The following CPS1 variants were observed in gnomAD, a reference collection of about 807,000 sequenced individuals.
CPS1 encodes the protein carbamoyl-phosphate synthase 1, also known as carbamoyl-phosphate synthase [ammonia], mitochondrial.
In CPS1, 109 loss-of-function variants were observed where a neutral mutation model predicts 174.6. That is an observed-to-expected ratio of 0.62 (90% CI 0.53 to 0.73). The LOEUF is 0.73. Among genes scored for constraint, CPS1 ranks in the 30% least tolerant of loss-of-function variants. The pLI is 0.00. For synonymous variants in CPS1, 637 were observed against 632.0 expected (o/e 1.01, Z -0.12); for missense variants, 1,689 against 1,821.9 (o/e 0.93, Z 1.33).
intron 1 of CPS1, among the ~76,000 whole-genome samples, chr2:210,539,408 T>C (rs1316040473): frequency 6.6e-6 from 1 of 152,192 alleles, no homozygotes; most frequent in Non-Finnish European, 1.5e-5. Flanking sequence ...TAGTTTCAAA[T>C]GTACAAAAAA....
intron 20 of CPS1, among the ~76,000 whole-genome samples, chr2:210,613,710 A>G (rs977712831): frequency 1.3e-5 from 2 of 151,948 alleles, no homozygotes; most frequent in Non-Finnish European, 2.9e-5. Context: ...CTAAGCTGTA[A>G]AACTCAAGCA....
chr2:210,596,141 G>T (rs999266025), intron 13 of CPS1, among the ~76,000 whole-genome samples: 2 of 151,906 alleles, frequency 1.3e-5, no homozygotes, highest in African/African-American at 2.4e-5. Context: ...TAGAAAAAAA[G>T]ATTTGATACA....
At chr2:210,543,435 C>T (rs1285035524) in intron 1 of CPS1, among the ~76,000 whole-genome samples, 2 of 151,906 alleles carry the variant, frequency 1.3e-5, no homozygotes, top group Non-Finnish European at 2.9e-5. Flanking sequence ...TCATCAATTT[C>T]CAGCTCAAAG....
Position 210,648,053 on chromosome 2 carries a change from C to T in CPS1, c.3332C>T (p.Thr1111Ile). ...VAQAPWKAVN[T>I]LNEALEFAKS... ...CAGGCACCTTGGAAAGCTGTTAATA[C>T]TTTGGTAAGGAGAGAAACAAGTATC... is the stretch of plus-strand genomic sequence containing the variant. The change falls in exon 26 of 38, where the codon ACT becomes ATT. Residue 1111 changes from threonine (T) to isoleucine (I), a missense_variant. By Grantham distance (89) the Thr-to-Ile change is moderately conservative. Transcript: ENST00000233072. The T allele has an allele frequency of 6.2e-7, 1 of 1,613,824 alleles. No homozygotes were observed.
intron 21 of CPS1, among the ~76,000 whole-genome samples, chr2:210,626,306 T>C (rs1035916615): frequency 6.6e-6 from 1 of 152,100 alleles, no homozygotes; most frequent in Non-Finnish European, 1.5e-5. Context: ...TAAACTTTCT[T>C]GGTAGAAAGT....
chr2:210,526,823 T>A (rs1271157871), intron 1 of CPS1, among the ~76,000 whole-genome samples: 2 of 151,980 alleles, frequency 1.3e-5, no homozygotes, highest in Non-Finnish European at 2.9e-5. Flanking sequence ...CATTACTCAA[T>A]TGCAAGCATA....
At chr2:210,543,738 C>G (rs1413326807) in intron 1 of CPS1, among the ~76,000 whole-genome samples, 1 of 152,044 alleles carries the variant, frequency 6.6e-6, no homozygotes, top group Non-Finnish European at 1.5e-5. Flanking sequence ...CATGAGGTAT[C>G]ATGAGGTTTG....
At chr2:210,607,008 T>C in intron 18 of CPS1, 67 bp downstream of exon 18, 1 of 1,430,722 alleles carries the variant, frequency 7.0e-7, no homozygotes, top group Non-Finnish European at 9.8e-7. Flanking sequence ...AATTGACAGA[T>C]AGTGGAAGAC....
intron 13 of CPS1, among the ~76,000 whole-genome samples, chr2:210,598,687 A>G (rs1242649745): frequency 3.9e-5 from 6 of 151,974 alleles, no homozygotes; most frequent in African/African-American, 1.4e-4. Flanking sequence ...ATATGCACCC[A>G]ACACAGGAGC....
intron 2 of CPS1, 108 bp from the exon 3 acceptor site, chr2:210,576,238 T>C (rs1316071811): frequency 1.7e-6 from 2 of 1,209,218 alleles, no homozygotes; most frequent in Admixed American, 3.4e-5. Context: ...ACATTCTTGT[T>C]GGATTCTTCT....
rs549512486 is a variant in CPS1 at position 210,651,180 on chromosome 2, G to C, written c.3480+742G>C. Among the ~76,000 whole-genome samples the C allele has an allele frequency of 2.6e-5, 4 of 152,148 alleles. No individual in the cohort carries two copies. The East Asian group carries it at 7.7e-4, about 29-fold the overall frequency. The stretch of plus-strand genomic sequence containing the variant: ...TTTTTAAGGGGGAACAATTCATAGA[G>C]AAGAGTTTGATGTTAGGCAAGTGGA... On this transcript the variant is annotated intron_variant, in intron 28 of 37. Transcript: ENST00000233072.
At chr2:210,630,906 G>A (rs1699846551) in intron 21 of CPS1, among the ~76,000 whole-genome samples, 1 of 152,056 alleles carries the variant, frequency 6.6e-6, no homozygotes, top group Non-Finnish European at 1.5e-5. Flanking sequence ...AAAAACTCAA[G>A]AGAGAGGCTA....
rs376960744 is a variant in CPS1 at position 210,490,677 on chromosome 2, A to G, written c.3+12911A>G. ...ATAAAAGAGAGGCTGTCTTAATTCA[A>G]TGGTGAGCCAGGGCTATAAGTAACA... On this transcript the variant is annotated intron_variant, in intron 1 of 38. Transcript: ENST00000430249. 6.1e-4 allele frequency among the ~76,000 whole-genome samples: 93 copies of G among 152,352 alleles called. 2 individuals are homozygous for G. The South Asian group carries it at 0.017, about 28-fold the overall frequency.
intron 1 of CPS1, among the ~76,000 whole-genome samples, chr2:210,538,187 A>G (rs1474876338): frequency 6.6e-6 from 1 of 152,154 alleles, no homozygotes; most frequent in Non-Finnish European, 1.5e-5. Flanking sequence ...CCATTTTCAG[A>G]GTTTTTTATG....
At chr2:210,502,095 G>A (rs1415324890) in intron 1 of CPS1, among the ~76,000 whole-genome samples, 1 of 151,976 alleles carries the variant, frequency 6.6e-6, no homozygotes, top group Non-Finnish European at 1.5e-5. Flanking sequence ...CAGATCTTGT[G>A]AGAACCCACT....
intron 36 of CPS1, 95 bp from the exon 37 acceptor site, chr2:210,676,912 G>T: frequency 8.3e-7 from 1 of 1,210,882 alleles, no homozygotes; most frequent in South Asian, 1.2e-5. Context: ...GCATGGCATT[G>T]ACTTGAATGG....
intron 27 of CPS1, 145 bp from the exon 28 acceptor site, chr2:210,650,218 A>G (rs1700516260): frequency 7.1e-6 from 5 of 706,334 alleles, no homozygotes; most frequent in East Asian, 2.7e-5. Flanking sequence ...CTGGTGATTA[A>G]ATGGAGAAAA....
At chr2:210,631,108 A>G (rs1190954786) in intron 21 of CPS1, 1 of 151,180 alleles carries the variant, frequency 6.6e-6, no homozygotes, top group Non-Finnish European at 1.5e-5. Flanking sequence ...TTTTCACATT[A>G]GAGCTTGTGC....
intron 30 of CPS1, among the ~76,000 whole-genome samples, chr2:210,657,089 A>G (rs1317522093): frequency 2.0e-5 from 3 of 152,162 alleles, no homozygotes; most frequent in African/African-American, 4.8e-5. Flanking sequence ...ATCTGAAGCA[A>G]TGCTTCTCAG....
Sources: gnomAD v4.1 joint callset for allele counts (sites outside exome capture counted in the v4.1 genomes callset) on GRCh38, gnomAD v4.1.1 for gene constraint, MANE v1.5 for transcripts, NCBI Gene and HGNC (gene_info 2026-07-23, HGNC 2026-07-21) for gene names.